FAM184A: variants seen among roughly 807,000 people sequenced by gnomAD.
The protein encoded by FAM184A is protein FAM184A.
In FAM184A, 99 loss-of-function variants were observed where a neutral mutation model predicts 143.8. The ratio of observed to expected loss-of-function variants is 0.69; its 90% confidence interval spans 0.58 to 0.81. The LOEUF is 0.81. Ranked by LOEUF, FAM184A falls within the 40% of genes least tolerant of loss-of-function variation. FAM184A has a pLI of 0.00. For synonymous variants in FAM184A, 427 were observed against 446.4 expected (o/e 0.96, Z 0.55); for missense variants, 1,217 against 1,310.5 (o/e 0.93, Z 1.10).
chr6:119,036,229 A>G (rs1216647426), intron 1 of FAM184A, among the ~76,000 whole-genome samples: 1 of 150,814 alleles, frequency 6.6e-6, no homozygotes, highest in African/African-American at 2.4e-5. Context: ...TTTTTTTTTA[A>G]CTAGAAAGGA....
chr6:118,975,362 G>A (rs868527621), intron 12 of FAM184A, among the ~76,000 whole-genome samples, 154 bp from the exon 13 acceptor site: 2 of 152,134 alleles, frequency 1.3e-5, no homozygotes, highest in Admixed American at 1.3e-4. Flanking sequence ...AAACCTCAAG[G>A]CCTGTTCTCT....
intron 1 of FAM184A, among the ~76,000 whole-genome samples, chr6:119,062,300 G>A (rs574391089): frequency 1.4e-4 from 22 of 152,260 alleles, no homozygotes; most frequent in South Asian, 8.3e-4. Flanking sequence ...ACACTTTTCA[G>A]TTTAATTGTT....
chr6:118,978,959 A>G (rs1281951740), intron 11 of FAM184A, among the ~76,000 whole-genome samples: 1 of 152,228 alleles, frequency 6.6e-6, no homozygotes, highest in Non-Finnish European at 1.5e-5. Context: ...TCAACAGAAG[A>G]GTCAGACCTA....
chr6:119,084,047 G>A (rs1236970504), intron 1 of FAM184A, among the ~76,000 whole-genome samples: 1 of 152,038 alleles, frequency 6.6e-6, no homozygotes, highest in African/African-American at 2.4e-5. Flanking sequence ...AAGGCAAAGG[G>A]GAAGCAAGGC....
At chr6:119,104,330 T>G (rs1445303163) in intron 1 of FAM184A, among the ~76,000 whole-genome samples, 2 of 152,212 alleles carry the variant, frequency 1.3e-5, no homozygotes, top group African/African-American at 4.8e-5. Flanking sequence ...AAAAGATGTT[T>G]GAAAATATTC....
chr6:118,998,239 TAC>T (rs1784633887), intron 9 of FAM184A, among the ~76,000 whole-genome samples: 1 of 152,244 alleles, frequency 6.6e-6, no homozygotes, highest in African/African-American at 2.4e-5. Flanking sequence ...TTGATCCTTT[TAC>T]AGTTTCTCTT....
intron 1 of FAM184A, among the ~76,000 whole-genome samples, chr6:119,136,263 C>A (rs1210693139): frequency 1.7e-5 from 2 of 118,424 alleles, no homozygotes; most frequent in African/African-American, 3.4e-5. Context: ...CCGGCCTGGG[C>A]GACAGAGCGA....
intron 1 of FAM184A, among the ~76,000 whole-genome samples, chr6:119,031,885 A>G (rs1785884439): frequency 6.6e-6 from 1 of 152,226 alleles, no homozygotes; most frequent in South Asian, 2.1e-4. Context: ...ATAAGAAAAA[A>G]TGATATAAGG....
At chr6:119,091,309 A>C (rs73531393) in intron 1 of FAM184A, among the ~76,000 whole-genome samples, 11,087 of 152,246 alleles carry the variant, frequency 0.073, 821 homozygotes, top group African/African-American at 0.19. Context: ...AGCCAATTCA[A>C]CTTCTCCACC....
upstream of FAM184A, among the ~76,000 whole-genome samples, chr6:119,079,974 T>G (rs117285729): frequency 1.3e-5 from 2 of 152,162 alleles, no homozygotes; most frequent in Admixed American, 1.3e-4. Context: ...GAAACAAATA[T>G]CCTACAAATG....
chr6:119,019,681 A>C (rs1028392451), intron 4 of FAM184A, among the ~76,000 whole-genome samples: 1 of 152,254 alleles, frequency 6.6e-6, no homozygotes, highest in Non-Finnish European at 1.5e-5. Context: ...ACGAATAATG[A>C]TTATAAGTAT....
In FAM184A at chr6:119,055,477, GTGAC is replaced by G. The variant is rs1465113320; in HGVS notation, c.159+22660_159+22663del. ...AGAAATTGCCAAACTGTTTACCAAA[GTGAC>G]TGACTGCACCATTTTATAAACCCAC... On this transcript the variant is annotated intron_variant, in intron 1 of 17. Coordinates refer to ENST00000338891, the MANE Select transcript of FAM184A (RefSeq NM_024581.6). Among the ~76,000 whole-genome samples the G allele has an allele frequency of 2.6e-5, 4 of 152,318 alleles. No homozygotes were observed. The East Asian group carries it at 5.8e-4, about 22-fold the overall frequency.
At chr6:118,985,287 TG>T (rs1468186292) in intron 9 of FAM184A, among the ~76,000 whole-genome samples, 15 of 152,206 alleles carry the variant, frequency 9.9e-5, no homozygotes, top group Non-Finnish European at 2.1e-4. Context: ...GGGCAGCTGA[TG>T]GGGACAGACA....
At chr6:118,987,796 C>T (rs956356257) in intron 9 of FAM184A, among the ~76,000 whole-genome samples, 1 of 152,020 alleles carries the variant, frequency 6.6e-6, no homozygotes, top group African/African-American at 2.4e-5. Context: ...ATTACTATAT[C>T]TTTCAAAGTA....
intron 1 of FAM184A, among the ~76,000 whole-genome samples, chr6:119,116,776 T>C (rs747368986): frequency 2.0e-5 from 3 of 152,114 alleles, no homozygotes; most frequent in Non-Finnish European, 2.9e-5. Context: ...ACAGGAGGAA[T>C]TTTCAGGCTT....
chr6:119,013,143 A>C (rs1443140847), intron 5 of FAM184A, among the ~76,000 whole-genome samples: 6 of 152,240 alleles, frequency 3.9e-5, no homozygotes, highest in Non-Finnish European at 4.4e-5. Context: ...ATGCTGCAAT[A>C]GGGTGGTGAA....
intron 1 of FAM184A, among the ~76,000 whole-genome samples, chr6:119,055,765 G>A (rs1347423562): frequency 6.6e-6 from 1 of 152,148 alleles, no homozygotes; most frequent in Non-Finnish European, 1.5e-5. Flanking sequence ...GATACTGTCT[G>A]TAATGGGTAT....
chr6:118,960,277 C>T (rs1783277661), intron 17 of FAM184A, 93 bp from the exon 18 acceptor site: 2 of 962,826 alleles, frequency 2.1e-6, no homozygotes, highest in Non-Finnish European at 3.2e-6. Context: ...TAGATTACCA[C>T]AACGGGTTCC....
intron 1 of FAM184A, among the ~76,000 whole-genome samples, chr6:119,044,255 T>C (rs952552544): frequency 6.6e-6 from 1 of 152,192 alleles, no homozygotes; most frequent in Admixed American, 6.5e-5. Flanking sequence ...ACAATTTTTT[T>C]AATCTACAAA....
Sources: allele counts gnomAD v4.1 joint callset (sites outside exome capture counted in the v4.1 genomes callset), GRCh38; gene constraint gnomAD v4.1.1; transcripts MANE v1.5; gene names NCBI Gene and HGNC (gene_info 2026-07-23, HGNC 2026-07-21).